Variants in CERS6 observed in about 807,000 individuals in gnomAD.
The protein encoded by CERS6 is ceramide synthase 6.
In CERS6, 26 loss-of-function variants were observed where a neutral mutation model predicts 56.8. The ratio of observed to expected loss-of-function variants is 0.46; its 90% CI spans 0.34 to 0.63. CERS6 has a LOEUF of 0.63. CERS6 is among the 30% of genes least tolerant of loss of function. The probability of loss-of-function intolerance (pLI) is 0.01; values close to 1 mark genes in which losing one functional copy is unlikely to be tolerated. For synonymous variants in CERS6, 164 were observed against 173.3 expected (o/e 0.95, Z 0.42); for missense variants, 415 against 467.5 (o/e 0.89, Z 1.04).
chr2:168,467,551 TGAAAG>T (rs1293295682), intron 1 of CERS6, among the ~76,000 whole-genome samples: 1 of 152,186 alleles, frequency 6.6e-6, no homozygotes, highest in Non-Finnish European at 1.5e-5. Flanking sequence ...TAGCTAGAAT[TGAAAG>T]GAAAATGGGT....
chr2:168,524,462 G>A (rs1401228701), intron 1 of CERS6, among the ~76,000 whole-genome samples: 1 of 152,202 alleles, frequency 6.6e-6, no homozygotes, highest in Non-Finnish European at 1.5e-5. Context: ...GCTCAGTGCT[G>A]CTCCATGCTG....
At chr2:168,769,377 A>C (rs1684806488) in intron 9 of CERS6, 133 bp from the exon 10 acceptor site, 3 of 763,686 alleles carry the variant, frequency 3.9e-6, no homozygotes, top group Admixed American at 6.2e-5. Flanking sequence ...TTGCTCTGGC[A>C]ATGTTCTCAT....
At chr2:168,723,564 T>TA (rs1553513200) in intron 8 of CERS6, among the ~76,000 whole-genome samples, 3 of 151,978 alleles carry the variant, frequency 2.0e-5, no homozygotes, top group African/African-American at 7.3e-5. Context: ...TCAAATCATC[T>TA]GGAACATTGC....
At chr2:168,495,750 A>G (rs10174987) in intron 1 of CERS6, among the ~76,000 whole-genome samples, 140,006 of 152,264 alleles carry the variant, frequency 0.92, 64,419 homozygotes, top group East Asian at 1. Context: ...TTTCCAGTGT[A>G]TTTTCACATA....
At chr2:168,510,321 A>G (rs948706148) in intron 1 of CERS6, among the ~76,000 whole-genome samples, 1 of 152,226 alleles carries the variant, frequency 6.6e-6, no homozygotes, top group African/African-American at 2.4e-5. Context: ...AGCTCCATTC[A>G]TGGTAAGTGC....
chr2:168,701,422 G>T (rs2105372857), intron 6 of CERS6, among the ~76,000 whole-genome samples: 1 of 152,278 alleles, frequency 6.6e-6, no homozygotes, highest in Middle Eastern at 3.4e-3. Flanking sequence ...ATAGTGCTAA[G>T]ATGTCATTTG....
At chr2:168,596,799 T>G (rs1683810787) in intron 3 of CERS6, among the ~76,000 whole-genome samples, 1 of 152,152 alleles carries the variant, frequency 6.6e-6, no homozygotes, top group Admixed American at 6.5e-5. Context: ...CCCAAAGTGC[T>G]GGAATTACAG....
chr2:168,487,771 G>T (rs1048329989), intron 1 of CERS6, among the ~76,000 whole-genome samples: 1 of 151,986 alleles, frequency 6.6e-6, no homozygotes, highest in Non-Finnish European at 1.5e-5. Context: ...ACCTAGGCTG[G>T]AGCACAATCA....
chr2:168,724,116 C>G (rs764302118), intron 8 of CERS6, among the ~76,000 whole-genome samples: 1 of 152,048 alleles, frequency 6.6e-6, no homozygotes, highest in African/African-American at 2.4e-5. Flanking sequence ...TCTGTCCCTT[C>G]TGATGTTTGG....
At chr2:168,524,398 T>C (rs965737752) in intron 1 of CERS6, among the ~76,000 whole-genome samples, 6 of 152,150 alleles carry the variant, frequency 3.9e-5, no homozygotes, top group South Asian at 4.1e-4. Context: ...GACGTGGTGA[T>C]TGTGAAAGGA....
At chr2:168,691,743 T>G (rs1315677036) in intron 5 of CERS6, among the ~76,000 whole-genome samples, 1 of 152,216 alleles carries the variant, frequency 6.6e-6, no homozygotes, top group Non-Finnish European at 1.5e-5. Flanking sequence ...CAGATCCGTT[T>G]AAAAAGCTGG....
chr2:168,728,588 G>A (rs1475603727), intron 8 of CERS6, among the ~76,000 whole-genome samples: 2 of 150,876 alleles, frequency 1.3e-5, no homozygotes, highest in East Asian at 3.9e-4. Context: ...GGTTTCACCA[G>A]GCTGACCAGG....
At chr2:168,646,814 T>TG (rs1685214968) in intron 4 of CERS6, among the ~76,000 whole-genome samples, 1 of 152,028 alleles carries the variant, frequency 6.6e-6, no homozygotes, top group Admixed American at 6.6e-5. Flanking sequence ...CCCCATTGCT[T>TG]GTTTTTGTCA....
chr2:168,601,695 G>A (rs1057199259), intron 3 of CERS6, among the ~76,000 whole-genome samples: 9 of 151,912 alleles, frequency 5.9e-5, no homozygotes, highest in South Asian at 2.1e-4. Context: ...GACTACAGGC[G>A]TGTGCCACCA....
chr2:168,658,012 C>T (rs780825273), intron 4 of CERS6, among the ~76,000 whole-genome samples: 1 of 152,182 alleles, frequency 6.6e-6, no homozygotes, highest in Non-Finnish European at 1.5e-5. Flanking sequence ...CAATATAATA[C>T]AATATAGTAA....
chr2:168,672,592 T>C (rs895877180), intron 4 of CERS6, among the ~76,000 whole-genome samples: 2 of 152,254 alleles, frequency 1.3e-5, no homozygotes, highest in African/African-American at 4.8e-5. Flanking sequence ...ATCTAGTTTT[T>C]ATTTCCAAGT....
chr2:168,559,674 G>A (rs968767816), intron 2 of CERS6, among the ~76,000 whole-genome samples: 10 of 140,856 alleles, frequency 7.1e-5, no homozygotes, highest in Non-Finnish European at 4.6e-5. Flanking sequence ...TTTGGGGAGC[G>A]CAGCATTCAG....
intron 1 of CERS6, among the ~76,000 whole-genome samples, chr2:168,541,480 CT>C (rs1011383399): frequency 4.1e-4 from 60 of 145,124 alleles, no homozygotes; most frequent in African/African-American, 6.8e-4. Flanking sequence ...TTTTTTCTTT[CT>C]TTTTTTTTTT....
At chr2:168,624,356 A>G (rs1390518991) in intron 3 of CERS6, among the ~76,000 whole-genome samples, 1 of 152,194 alleles carries the variant, frequency 6.6e-6, no homozygotes, top group Non-Finnish European at 1.5e-5. Flanking sequence ...AATATTTAGT[A>G]GTAAAAACCA....
Sources: allele counts gnomAD v4.1 joint callset (sites outside exome capture counted in the v4.1 genomes callset), GRCh38; gene constraint gnomAD v4.1.1; transcripts MANE v1.5; gene names NCBI Gene and HGNC (gene_info 2026-07-23, HGNC 2026-07-21).